Variants in SETD6 observed in about 807,000 individuals in gnomAD.
SETD6 encodes the protein SET domain containing 6, protein lysine methyltransferase.
A neutral mutation model predicts 52.7 loss-of-function variants in SETD6; 67 were observed. The ratio of observed to expected loss-of-function variants is 1.27; its 90% CI spans 1.04 to 1.56. The LOEUF (loss-of-function observed/expected upper bound fraction) is 1.56. SETD6 is among the 40% of genes most tolerant of loss of function. SETD6 has a pLI of 0.00. For missense variants in SETD6, 712 were observed against 607.5 expected, an observed-to-expected ratio of 1.17 and a Z score of -1.81; for synonymous variants, 307 against 250.2, an observed-to-expected ratio of 1.23 and a Z score of -2.14.
Position 58,523,159 on chromosome 16 carries a change from C to T in SETD6, c.*4130C>T, listed in dbSNP as rs866445601. The T allele has an allele frequency of 2.6e-5, 9 of 342,844 alleles. No homozygotes were observed. Among genetic ancestry groups the T allele is most frequent in the African/African-American group, 4.2e-5 (2 of 47,230 alleles). The allele number at this position is 342,844 out of a possible 1,614,324, so 21.2% of individuals were successfully genotyped here. On this transcript the variant is annotated 3_prime_UTR_variant, in exon 8 of 8. Transcript: ENST00000219315. ...ACTTGAGAGGCTAAGGCACGAGAAT[C>T]GCTTGAACCTGGGAGGCGGAGGTTG...
intron 4 of SETD6, 63 bp downstream of exon 4, chr16:58,516,735 G>A (rs2039173027): frequency 8.1e-6 from 13 of 1,609,788 alleles, no homozygotes; most frequent in Admixed American, 3.4e-5. Flanking sequence ...AGGGACAAAA[G>A]TGGAAAAACA....
Position 58,515,858 on chromosome 16 carries a change from T to TG in SETD6, c.99dup (p.Leu34AlafsTer142). On this transcript the variant is annotated frameshift_variant, in exon 2 of 8. Transcript: ENST00000219315. LOFTEE classifies it high-confidence loss of function. ...TGCTTCCTGAGCTGGTGCCGGCGGG[T>TG]GGGGCTGGAGCTGAGTCCCAAGGTG... is the stretch of plus-strand genomic sequence containing the variant. 4 of 1,510,716 alleles carry TG rather than the reference T, an allele frequency of 2.6e-6. No homozygotes were observed. The highest frequency in any genetic ancestry group is 3.5e-6 in the Non-Finnish European group (4 of 1,138,100). 93.6% of individuals were successfully genotyped at this position (1,510,716 alleles called of 1,614,324 possible).
chr16:58,521,423 CAA>C lies in SETD6; in HGVS notation c.*2397_*2398del. 8.9e-7 allele frequency: 1 copy of C among 1,128,662 alleles called. No homozygotes were observed. 69.9% of individuals were successfully genotyped at this position (1,128,662 alleles called of 1,614,324 possible). A position where few individuals can be genotyped will look rare whatever the true frequency, so the allele number is the denominator to read the frequency against. On this transcript the variant is annotated 3_prime_UTR_variant, in exon 8 of 8. Coordinates refer to ENST00000219315, the MANE Select transcript of SETD6 (RefSeq NM_001160305.4). ...TTCTCCCTGACTATTGAACCACATGCAAAAGTTTTCACCTTTAGTAAAGACAG... is the reference window on the plus strand; with the variant it reads ...TTCTCCCTGACTATTGAACCACATGCAAGTTTTCACCTTTAGTAAAGACAG...
At position 58,516,819 on chromosome 16, in the gene SETD6, C is replaced by G; in HGVS notation, c.683C>G (p.Pro228Arg). ...ALVMAYSFQEPLEEEEDEKEP... is the reference protein window; with the variant it reads ...ALVMAYSFQERLEEEEDEKEP... Reference sequence around the variant, plus strand: ...TCTGTCAATGGCAGCTTTCAGGAACCACTGGAGGAAGAAGAGGATGAAAAG... The same window carrying G: ...TCTGTCAATGGCAGCTTTCAGGAACGACTGGAGGAAGAAGAGGATGAAAAG... Residue 228 changes from proline to arginine, a missense_variant, in exon 5 of 8, where the codon CCA becomes CGA. Pro to Arg is a moderately radical substitution (Grantham distance 103). Transcript: ENST00000219315. 1 of 1,614,166 alleles carries G rather than the reference C, an allele frequency of 6.2e-7. No individual in the cohort carries two copies. The highest frequency in any genetic ancestry group is 8.5e-7 in the Non-Finnish European group (1 of 1,180,028).
chr16:58,518,736 C>A lies in SETD6; in HGVS notation c.1129C>A (p.Pro377Thr). 1 of 1,613,846 alleles carries A rather than the reference C, an allele frequency of 6.2e-7. No homozygotes were observed. Among genetic ancestry groups the A allele is most frequent in the Non-Finnish European group, 8.5e-7 (1 of 1,179,934 alleles). ...TGGTTGCTTCTAGGTACTGTGCATG[C>A]CTGCTGAGGAGTTCAGAGAGCTTAA... ...LTTTLKVLCMPAEEFRELKDQ... is the reference protein window; with the variant it reads ...LTTTLKVLCMTAEEFRELKDQ... The change falls in exon 8 of 8, where the codon CCT becomes ACT. Residue 377 changes from proline (P) to threonine (T), a missense_variant. Transcript: ENST00000219315.
chr16:58,519,072 TCTAAG>T lies in SETD6; in HGVS notation c.*48_*52del. On this transcript the variant is annotated 3_prime_UTR_variant, in exon 8 of 8. Coordinates refer to ENST00000219315, the MANE Select transcript of SETD6 (RefSeq NM_001160305.4). ...GAAGGAACAGCAATAAGAACTTTAT[TCTAAG>T]CTAATACTCATTGATGTTTGAAAAA... The T allele has an allele frequency of 6.5e-7, 1 of 1,539,024 alleles. No individual in the cohort carries two copies.
chr16:58,516,514 A>G lies in SETD6; in HGVS notation c.513A>G (p.Thr171=). Reference sequence around the variant, plus strand: ...AGCGCCGGTGCCTGCTCCAGGGCACAGGCGTACCTGAGGCCGTGGAGAAGG... The same window carrying G: ...AGCGCCGGTGCCTGCTCCAGGGCACGGGCGTACCTGAGGCCGTGGAGAAGG... ...EEERRCLLQG[T]GVPEAVEKDL... is the part of the protein sequence containing the mutation. The change falls in exon 4 of 8, where the codon ACA becomes ACG. Residue 171 remains threonine, a synonymous_variant. Coordinates refer to ENST00000219315, the MANE Select transcript of SETD6 (RefSeq NM_001160305.4). 6.2e-6 allele frequency: 10 copies of G among 1,614,104 alleles called. No individual in the cohort carries two copies. Among genetic ancestry groups the G allele is most frequent in the Non-Finnish European group, 8.5e-6 (10 of 1,179,984 alleles).
Position 58,517,006 on chromosome 16 carries a change from G to A in SETD6, c.792+78G>A, listed in dbSNP as rs1291287256. 5 of 1,603,970 alleles carry A rather than the reference G, an allele frequency of 3.1e-6. No homozygotes were observed. The South Asian group carries it at 4.4e-5, about 14-fold the overall frequency. On this transcript the variant is annotated intron_variant, in intron 5 of 7. Transcript: ENST00000219315. ...TCTTAGGCTCCATTCTCTTACTAGTGCTACAAAATGAGTAGGTGAAATCAG... is the reference window on the plus strand; with the variant it reads ...TCTTAGGCTCCATTCTCTTACTAGTACTACAAAATGAGTAGGTGAAATCAG...
chr16:58,516,536 A>G lies in SETD6; in HGVS notation c.535A>G (p.Lys179Glu), dbSNP rs370929550. 4 of 1,613,920 alleles carry G rather than the reference A, an allele frequency of 2.5e-6. No homozygotes were observed. Among genetic ancestry groups the G allele is most frequent in the African/African-American group, 1.3e-5 (1 of 74,880 alleles). ...QGTGVPEAVE[K>E]DLANIRSEYQ... ...CACAGGCGTACCTGAGGCCGTGGAG[A>G]AGGATTTGGCCAACATCCGCAGCGA... Residue 179 changes from lysine to glutamate, a missense_variant, in exon 4 of 8, where the codon AAG becomes GAG. Coordinates refer to ENST00000219315, the MANE Select transcript of SETD6 (RefSeq NM_001160305.4).
chr16:58,518,417 T>C lies in SETD6; in HGVS notation c.990T>C (p.Ala330=). ...CATCTACAGGAACAAAAACTGAAGC[T>C]GAAAGGCACCTAGTGTACGAGCGCT... ...EAALQGTKTE[A]ERHLVYERWD... Residue 330 remains alanine (A), a synonymous_variant, in exon 7 of 8, where the codon GCT becomes GCC. Transcript: ENST00000219315. The C allele has an allele frequency of 6.3e-7, 1 of 1,581,630 alleles. No homozygotes were observed. Among genetic ancestry groups the C allele is most frequent in the Non-Finnish European group, 8.5e-7 (1 of 1,169,944 alleles).
rs1289486867 is a variant in SETD6 at position 58,519,975 on chromosome 16, G to A, written c.*946G>A. 1 of 152,194 alleles carries A rather than the reference G, an allele frequency of 6.6e-6. No individual in the cohort carries two copies. The highest frequency in any genetic ancestry group is 1.5e-5 in the Non-Finnish European group (1 of 68,044). 9.4% of individuals were successfully genotyped at this position (152,194 alleles called of 1,614,324 possible). ...GTGTGTGTCATGACTTTAATGGTTAGCTACAGTATGCATACACATACAAGA... is the reference window on the plus strand; with the variant it reads ...GTGTGTGTCATGACTTTAATGGTTAACTACAGTATGCATACACATACAAGA... On this transcript the variant is annotated 3_prime_UTR_variant, in exon 8 of 8. Coordinates refer to ENST00000219315, the MANE Select transcript of SETD6 (RefSeq NM_001160305.4).
rs2039285794 is a variant in SETD6 at position 58,519,462 on chromosome 16, A to C, written c.*433A>C. 5.8e-6 allele frequency: 1 copy of C among 171,424 alleles called. No individual in the cohort carries two copies. The highest frequency in any genetic ancestry group is 1.3e-5 in the Non-Finnish European group (1 of 78,236). The allele number at this position is 171,424 out of a possible 1,614,324, so 10.6% of individuals were successfully genotyped here. A position where few individuals can be genotyped will look rare whatever the true frequency, so the allele number is the denominator to read the frequency against. ...TAACTGGTACTCGATAGTTACCCAAAGTTCAGTCTAGATGGCACAAACCAC... is the reference window on the plus strand; with the variant it reads ...TAACTGGTACTCGATAGTTACCCAACGTTCAGTCTAGATGGCACAAACCAC... On this transcript the variant is annotated 3_prime_UTR_variant, in exon 8 of 8. Transcript: ENST00000219315.
At position 58,523,790 on chromosome 16, in the gene SETD6, C is replaced by A; in HGVS notation, c.*4761C>A. The A allele has an allele frequency of 3.9e-6, 1 of 254,764 alleles. No homozygotes were observed. Among genetic ancestry groups the A allele is most frequent in the African/African-American group, 2.2e-5 (1 of 45,494 alleles). The allele number at this position is 254,764 out of a possible 1,614,324, so 15.8% of individuals were successfully genotyped here. On this transcript the variant is annotated 3_prime_UTR_variant, in exon 8 of 8. Transcript: ENST00000219315. Reference sequence around the variant, plus strand: ...TGGTGACACTCATCACTAAGTCTTTCTACATTTTGCAGATCTCTAAGTCTT... The same window carrying A: ...TGGTGACACTCATCACTAAGTCTTTATACATTTTGCAGATCTCTAAGTCTT...
In SETD6 at chr16:58,521,797, T is replaced by A. The variant is rs1385350752; in HGVS notation, c.*2768T>A. On this transcript the variant is annotated 3_prime_UTR_variant, in exon 8 of 8. Coordinates refer to ENST00000219315, the MANE Select transcript of SETD6 (RefSeq NM_001160305.4). ...TGAAACCCCATCTCTGCTACAAATA[T>A]AAAAATTAGTCAGACATGGTGGCCA... is the stretch of plus-strand genomic sequence containing the variant. 6.7e-6 allele frequency among the ~76,000 whole-genome samples: 1 copy of A among 148,482 alleles called. No individual in the cohort carries two copies. The highest frequency in any genetic ancestry group is 6.7e-5 in the Admixed American group (1 of 14,866).
At position 58,518,965 on chromosome 16, in the gene SETD6, A is replaced by G. The variant is rs765530169; in HGVS notation, c.1358A>G (p.Gln453Arg). 3.7e-6 allele frequency: 6 copies of G among 1,614,212 alleles called. No individual in the cohort carries two copies. The East Asian group carries it at 1.3e-4, about 36-fold the overall frequency. The change falls in exon 8 of 8, where the codon CAA (glutamine) becomes CGA (arginine). Residue 453 changes from glutamine to arginine, a missense_variant. Physicochemically the swap from Gln to Arg is conservative, Grantham distance 43 (BLOSUM62 1). Transcript: ENST00000219315. ...VYAKLSWREQ[Q>R]ALQVRYGQKM... ...GCGAAACTCAGCTGGAGGGAACAGC[A>G]AGCCTTACAGGTTCGCTATGGTCAG...
At position 58,520,610 on chromosome 16, in the gene SETD6, T is replaced by G. The variant is rs905169825; in HGVS notation, c.*1581T>G. 3.8e-6 allele frequency: 1 copy of G among 263,188 alleles called. No homozygotes were observed. The highest frequency in any genetic ancestry group is 7.4e-6 in the Non-Finnish European group (1 of 134,430). 16.3% of individuals were successfully genotyped at this position (263,188 alleles called of 1,614,324 possible). A position where few individuals can be genotyped will look rare whatever the true frequency, so the allele number is the denominator to read the frequency against. Reference sequence around the variant, plus strand: ...TATGCCCTCAGACAAGTGCATGGCATCAGCTGCCTCTTCATTACAAGGTAC... The same window carrying G: ...TATGCCCTCAGACAAGTGCATGGCAGCAGCTGCCTCTTCATTACAAGGTAC... On this transcript the variant is annotated 3_prime_UTR_variant, in exon 8 of 8. Coordinates refer to ENST00000219315, the MANE Select transcript of SETD6 (RefSeq NM_001160305.4).
Position 58,521,099 on chromosome 16 carries a change from T to TC in SETD6, c.*2071dup. ...AGTAGGCCTAACAATACCTTGCATC[T>TC]CATTCAGCTGACCCAACCTAGAGAC... On this transcript the variant is annotated 3_prime_UTR_variant, in exon 8 of 8. Coordinates refer to ENST00000219315, the MANE Select transcript of SETD6 (RefSeq NM_001160305.4). 6.2e-7 allele frequency: 1 copy of TC among 1,613,346 alleles called. No homozygotes were observed. The highest frequency in any genetic ancestry group is 8.5e-7 in the Non-Finnish European group (1 of 1,179,338).
In SETD6 at chr16:58,518,751, A is replaced by T. The variant is rs1241105104; in HGVS notation, c.1144A>T (p.Arg382Ter). The T allele has an allele frequency of 6.2e-7, 1 of 1,614,074 alleles. No homozygotes were observed. The highest frequency in any genetic ancestry group is 8.5e-7 in the Non-Finnish European group (1 of 1,180,010). The change falls in exon 8 of 8, where the codon AGA becomes TGA. Residue 382 changes from arginine (R) to a stop codon, truncating the protein, a stop_gained. Transcript: ENST00000219315. LOFTEE classifies it high-confidence loss of function. ...KVLCMPAEEF[R>*]ELKDQDGGGD... is the part of the protein sequence containing the mutation. ...ACTGTGCATGCCTGCTGAGGAGTTCAGAGAGCTTAAAGACCAGGATGGAGG... is the reference window on the plus strand; with the variant it reads ...ACTGTGCATGCCTGCTGAGGAGTTCTGAGAGCTTAAAGACCAGGATGGAGG...
In SETD6 at chr16:58,515,577, C is replaced by G. The variant is rs569973104; in HGVS notation, c.27+13C>G. The G allele has an allele frequency of 8.4e-5, 131 of 1,561,882 alleles. 1 individual carries two copies. In the African/African-American group the frequency reaches 1.7e-3, roughly 20 times the overall value. On this transcript the variant is annotated intron_variant, in intron 1 of 7. Coordinates refer to ENST00000219315, the MANE Select transcript of SETD6 (RefSeq NM_001160305.4). The stretch of plus-strand genomic sequence containing the variant: ...GAAGCGTCCACGGGTGAGTGGCGGG[C>G]GCGGGGTCCAGCCTTTTCCTCCGCG...
Sources: gnomAD v4.1 joint callset for allele counts (sites outside exome capture counted in the v4.1 genomes callset) on GRCh38, gnomAD v4.1.1 for gene constraint, MANE v1.5 for transcripts, NCBI Gene and HGNC (gene_info 2026-07-23, HGNC 2026-07-21) for gene names.